CDH12: variants seen among roughly 807,000 people sequenced by gnomAD.
CDH12 encodes the protein cadherin-12.
A neutral mutation model predicts 74.1 loss-of-function variants in CDH12; 41 were observed. The observed-to-expected ratio is 0.55, with a 90% CI of 0.43 to 0.72. The LOEUF (loss-of-function observed/expected upper bound fraction) is 0.72. Ranked by LOEUF, CDH12 falls within the 30% of genes least tolerant of loss-of-function variation. The pLI is 0.00. For synonymous variants in CDH12, 399 were observed against 355.0 expected (o/e 1.12, Z -1.39); for missense variants, 945 against 977.2 (o/e 0.97, Z 0.44).
chr5:22,584,693 T>G (rs1243268949), intron 1 of CDH12, among the ~76,000 whole-genome samples: 1 of 152,170 alleles, frequency 6.6e-6, no homozygotes, highest in African/African-American at 2.4e-5. Flanking sequence ...AGCTCATTTC[T>G]TCCTTCTTTT....
At chr5:22,765,103 T>C (rs1746433611) in intron 1 of CDH12, among the ~76,000 whole-genome samples, 1 of 151,948 alleles carries the variant, frequency 6.6e-6, no homozygotes, top group Non-Finnish European at 1.5e-5. Flanking sequence ...ATTTATTATT[T>C]ATTCCTGTGA....
chr5:22,744,434 A>C (rs563504092), intron 1 of CDH12, among the ~76,000 whole-genome samples: 78 of 152,168 alleles, frequency 5.1e-4, no homozygotes, highest in African/African-American at 1.7e-3. Flanking sequence ...GTCTCAAAAA[A>C]AAACAAACAA....
chr5:22,516,934 A>C (rs1398755112), intron 1 of CDH12, among the ~76,000 whole-genome samples: 1 of 152,198 alleles, frequency 6.6e-6, no homozygotes, highest in African/African-American at 2.4e-5. Context: ...AAAAAATACC[A>C]GATGAAAGAA....
At position 21,967,123 on chromosome 5, in the gene CDH12, A is replaced by G. The variant is rs560508022; in HGVS notation, c.526+7968T>C. Reference sequence around the variant, plus strand: ...CAACACATTGCACAATGAAAAACAAAAATTATTTTGGAAGACACAGCTGAC... The same window carrying G: ...CAACACATTGCACAATGAAAAACAAGAATTATTTTGGAAGACACAGCTGAC... On this transcript the variant is annotated intron_variant, in intron 6 of 14. Coordinates refer to ENST00000382254, the MANE Select transcript of CDH12 (RefSeq NM_004061.5). 2.5e-3 allele frequency among the ~76,000 whole-genome samples: 382 copies of G among 152,104 alleles called. 2 individuals carry two copies. Among genetic ancestry groups the G allele is most frequent in the Non-Finnish European group, 2.8e-3 (190 of 67,992 alleles).
intron 5 of CDH12, among the ~76,000 whole-genome samples, chr5:22,017,128 G>A (rs1561023558): frequency 6.6e-6 from 1 of 151,962 alleles, no homozygotes; most frequent in Non-Finnish European, 1.5e-5. Flanking sequence ...TTTGACCCTT[G>A]ACTCATTTTT....
intron 1 of CDH12, among the ~76,000 whole-genome samples, chr5:22,548,153 C>T (rs1489809225): frequency 6.6e-6 from 1 of 152,072 alleles, no homozygotes; most frequent in East Asian, 1.9e-4. Context: ...CAATATACTC[C>T]CATAATAACT....
intron 4 of CDH12, among the ~76,000 whole-genome samples, chr5:22,170,132 G>C (rs566773478): frequency 6.6e-5 from 10 of 151,974 alleles, no homozygotes; most frequent in Non-Finnish European, 1.2e-4. Context: ...GCAGAAAGCT[G>C]AATGTCCCTC....
At chr5:21,911,416 G>T (rs1753853267) in intron 6 of CDH12, among the ~76,000 whole-genome samples, 1 of 151,886 alleles carries the variant, frequency 6.6e-6, no homozygotes, top group African/African-American at 2.4e-5. Flanking sequence ...TTAAGGTTTA[G>T]TTAGAGGACT....
chr5:22,624,572 C>T (rs1482734552), intron 1 of CDH12, among the ~76,000 whole-genome samples: 1 of 152,212 alleles, frequency 6.6e-6, no homozygotes, highest in Non-Finnish European at 1.5e-5. Context: ...CTCATCATCA[C>T]TGGCCATCAG....
At chr5:22,493,553 AGTTTTTTTG>A (rs1258831088) in intron 2 of CDH12, among the ~76,000 whole-genome samples, 1 of 129,484 alleles carries the variant, frequency 7.7e-6, no homozygotes, top group Non-Finnish European at 1.6e-5. Flanking sequence ...TTTCAAAAAT[AGTTTTTTTG>A]GTTTTTTTTG....
At chr5:22,161,359 C>A (rs1748336127) in intron 4 of CDH12, among the ~76,000 whole-genome samples, 1 of 151,908 alleles carries the variant, frequency 6.6e-6, no homozygotes, top group South Asian at 2.1e-4. Context: ...ACTAAAACAC[C>A]TAAAAGAGAG....
At chr5:22,236,261 A>T (rs972055198) in intron 3 of CDH12, among the ~76,000 whole-genome samples, 2 of 152,102 alleles carry the variant, frequency 1.3e-5, no homozygotes, top group South Asian at 4.1e-4. Flanking sequence ...TTACTGTAAC[A>T]TTTTTACTTT....
At chr5:22,073,542 T>A (rs541410814) in intron 5 of CDH12, among the ~76,000 whole-genome samples, 6 of 152,258 alleles carry the variant, frequency 3.9e-5, no homozygotes, top group African/African-American at 1.2e-4. Flanking sequence ...TGGTAACATA[T>A]GAAGTACAAA....
intron 3 of CDH12, among the ~76,000 whole-genome samples, chr5:22,282,923 T>C (rs948855773): frequency 3.3e-5 from 5 of 151,962 alleles, no homozygotes; most frequent in African/African-American, 1.2e-4. Context: ...CATTCTACTA[T>C]AAAGACACAA....
chr5:21,968,401 TTGG>T (rs1428496295), intron 6 of CDH12, among the ~76,000 whole-genome samples: 2 of 152,156 alleles, frequency 1.3e-5, no homozygotes, highest in Non-Finnish European at 2.9e-5. Context: ...GAAATGATAG[TTGG>T]ATCTGAACAA....
At chr5:21,987,955 C>T (rs1757584847) in intron 5 of CDH12, among the ~76,000 whole-genome samples, 1 of 151,760 alleles carries the variant, frequency 6.6e-6, no homozygotes, top group East Asian at 1.9e-4. Context: ...CCCTTTGCGA[C>T]AAACTTACGT....
intron 1 of CDH12, among the ~76,000 whole-genome samples, chr5:22,713,550 A>C (rs1743404360): frequency 6.6e-6 from 1 of 151,748 alleles, no homozygotes; most frequent in African/African-American, 2.4e-5. Context: ...TACTTATGAA[A>C]AATGCTGGAA....
intron 3 of CDH12, among the ~76,000 whole-genome samples, chr5:22,315,211 C>T (rs1157781971): frequency 6.9e-6 from 1 of 145,366 alleles, no homozygotes; most frequent in Non-Finnish European, 1.5e-5. Flanking sequence ...ATCTGCCCGC[C>T]TCGGCCTCGC....
intron 1 of CDH12, among the ~76,000 whole-genome samples, chr5:22,819,909 TTAAA>T (rs1472150085): frequency 1.3e-5 from 2 of 148,160 alleles, no homozygotes; most frequent in African/African-American, 4.9e-5. Context: ...ATCTAGATAT[TTAAA>T]TATATATTTA....
Sources: allele counts gnomAD v4.1 joint callset (sites outside exome capture counted in the v4.1 genomes callset), GRCh38; gene constraint gnomAD v4.1.1; transcripts MANE v1.5; gene names NCBI Gene and HGNC (gene_info 2026-07-23, HGNC 2026-07-21).